HEMK2: variants seen among roughly 807,000 people sequenced by gnomAD.
The protein encoded by HEMK2 is HemK methyltransferase 2, ETF1 glutamine and histone H4 lysine, also known as methyltransferase HEMK2.
At chr21:28,831,247 C>A in the HEMK2 span, among the ~76,000 whole-genome samples, 1 of 151,746 alleles carries the variant, frequency 6.6e-6, no homozygotes, top group Admixed American at 6.6e-5. Context: ...CAGTTCAAGA[C>A]CAGCCTGGCC....
At chr21:28,822,572 C>CATATATATAT in the HEMK2 span, among the ~76,000 whole-genome samples, 167 of 147,708 alleles carry the variant, frequency 1.1e-3, no homozygotes, top group African/African-American at 4.1e-3. Context: ...GGCTACAATG[C>CATATATATAT]ATATATATAT....
the HEMK2 span, among the ~76,000 whole-genome samples, chr21:28,823,197 C>T: frequency 6.6e-6 from 1 of 152,074 alleles, no homozygotes; most frequent in East Asian, 1.9e-4. Context: ...ACAGGGTGGG[C>T]CTTGTTAAAC....
the HEMK2 span, among the ~76,000 whole-genome samples, chr21:28,694,904 A>T: frequency 6.6e-6 from 1 of 151,782 alleles, no homozygotes; most frequent in Non-Finnish European, 1.5e-5. Context: ...AGGCTGAGGC[A>T]GGAGAATGGC....
chr21:28,813,184 A>T, the HEMK2 span, among the ~76,000 whole-genome samples: 1 of 152,210 alleles, frequency 6.6e-6, no homozygotes, highest in African/African-American at 2.4e-5. Context: ...AGATGACATG[A>T]TTGTATATTT....
the HEMK2 span, among the ~76,000 whole-genome samples, chr21:28,599,344 G>T: frequency 0.013 from 1,976 of 152,242 alleles, 18 homozygotes; most frequent in Non-Finnish European, 0.02. Context: ...CATGGCGAAG[G>T]CAAAAGGCAT....
At chr21:28,731,785 G>A in the HEMK2 span, among the ~76,000 whole-genome samples, 1 of 149,406 alleles carries the variant, frequency 6.7e-6, no homozygotes, top group African/African-American at 2.5e-5. Context: ...AAAGAAATGA[G>A]CAGTCCCTTC....
the HEMK2 span, among the ~76,000 whole-genome samples, chr21:28,737,251 A>G: frequency 3.3e-5 from 5 of 152,154 alleles, no homozygotes; most frequent in Non-Finnish European, 7.4e-5. Context: ...CGGCCCCCCA[A>G]GTAGCTGGGA....
the HEMK2 span, among the ~76,000 whole-genome samples, chr21:28,718,634 T>A: frequency 2.0e-5 from 3 of 151,902 alleles, no homozygotes; most frequent in Non-Finnish European, 4.4e-5. Context: ...AAAAATAAAC[T>A]GCTTGAGATT....
chr21:28,863,544 T>C, the HEMK2 span, among the ~76,000 whole-genome samples: 1 of 147,400 alleles, frequency 6.8e-6, no homozygotes, highest in Admixed American at 6.9e-5. Flanking sequence ...CTACAAGGCT[T>C]TGAGAAAATG....
the HEMK2 span, among the ~76,000 whole-genome samples, chr21:28,811,403 AG>A: frequency 1.6e-4 from 6 of 37,196 alleles, no homozygotes; most frequent in African/African-American, 3.7e-3. Flanking sequence ...GAAACAGAGA[AG>A]GAAGGAAGGA....
the HEMK2 span, among the ~76,000 whole-genome samples, chr21:28,730,289 C>A: frequency 6.6e-6 from 1 of 151,814 alleles, no homozygotes; most frequent in Non-Finnish European, 1.5e-5. Flanking sequence ...GCTGAGGTAG[C>A]AGGATCGCTT....
chr21:28,871,891 T>A, the HEMK2 span, among the ~76,000 whole-genome samples: 1 of 151,978 alleles, frequency 6.6e-6, no homozygotes, highest in South Asian at 2.1e-4. Context: ...TATGGCCCTA[T>A]GTCTCTGTTT....
At chr21:28,831,477 AAG>A in the HEMK2 span, among the ~76,000 whole-genome samples, 1 of 51,288 alleles carries the variant, frequency 1.9e-5, no homozygotes, top group Non-Finnish European at 3.4e-5. Context: ...GAAAGAAAGA[AAG>A]AAAGAAAGAA....
the HEMK2 span, among the ~76,000 whole-genome samples, chr21:28,826,956 G>A: frequency 7.9e-5 from 12 of 152,270 alleles, no homozygotes; most frequent in South Asian, 2.1e-4. Flanking sequence ...AGAGGGATCC[G>A]ACGAGGAGAC....
the HEMK2 span, among the ~76,000 whole-genome samples, chr21:28,858,830 G>C: frequency 6.6e-6 from 1 of 152,106 alleles, no homozygotes; most frequent in African/African-American, 2.4e-5. Flanking sequence ...TCCAGCCTGG[G>C]TGTCTGAGCA....
the HEMK2 span, among the ~76,000 whole-genome samples, chr21:28,695,264 T>A: frequency 6.6e-6 from 1 of 152,140 alleles, no homozygotes; most frequent in Admixed American, 6.5e-5. Context: ...GTTTAACCCC[T>A]CCAAATCTCA....
chr21:28,816,130 G>C, the HEMK2 span, among the ~76,000 whole-genome samples: 1 of 152,180 alleles, frequency 6.6e-6, no homozygotes, highest in African/African-American at 2.4e-5. Context: ...AACTGTGCTG[G>C]CACCTTGATC....
chr21:28,704,557 C>CAAA, the HEMK2 span, among the ~76,000 whole-genome samples: 7 of 129,674 alleles, frequency 5.4e-5, no homozygotes, highest in South Asian at 5.4e-4. Context: ...AAGGTTTTGG[C>CAAA]AAAAAAAAAA....
the HEMK2 span, among the ~76,000 whole-genome samples, chr21:28,883,782 C>T: frequency 2.6e-5 from 4 of 152,106 alleles, no homozygotes; most frequent in Non-Finnish European, 5.9e-5. Flanking sequence ...TGCAGTGGTG[C>T]CATCACAGCT....
Sources: gnomAD v4.1 joint callset for allele counts (sites outside exome capture counted in the v4.1 genomes callset) on GRCh38, gnomAD v4.1.1 for gene constraint, MANE v1.5 for transcripts, NCBI Gene and HGNC (gene_info 2026-07-23, HGNC 2026-07-21) for gene names.